ADCY9: variants seen among roughly 807,000 people sequenced by gnomAD.
ADCY9 encodes adenylate cyclase type 9.
A neutral mutation model predicts 101.5 loss-of-function variants in ADCY9; 50 were observed. The observed-to-expected ratio is 0.49, with a 90% CI of 0.39 to 0.62. ADCY9 has a LOEUF of 0.62. ADCY9 is among the 20% of genes least tolerant of loss of function. The probability of loss-of-function intolerance (pLI) is 0.00; values close to 1 mark genes in which losing one functional copy is unlikely to be tolerated. For missense variants in ADCY9, 1,662 were observed against 1,800.4 expected, an observed-to-expected ratio of 0.92 and a Z score of 1.39; for synonymous variants, 905 against 769.3, an observed-to-expected ratio of 1.18 and a Z score of -2.92.
chr16:4,058,831 A>G (rs143143977), intron 2 of ADCY9, among the ~76,000 whole-genome samples: 1 of 152,298 alleles, frequency 6.6e-6, no homozygotes, highest in Non-Finnish European at 1.5e-5. Context: ...ATTGCTAATT[A>G]ACTTTATCTC....
chr16:3,985,215 C>G (rs2056181448), intron 6 of ADCY9, among the ~76,000 whole-genome samples: 1 of 143,604 alleles, frequency 7.0e-6, no homozygotes, highest in Non-Finnish European at 1.5e-5. Flanking sequence ...TCTTGGCTCA[C>G]TGCAACCTCC....
In ADCY9 at chr16:3,966,875, G is replaced by T. The variant is rs779038291; in HGVS notation, c.2962C>A (p.Leu988Ile). ...IGQEVVLVFF[L>I]LLLLVWFLNR... is the part of the protein sequence containing the mutation. ...AGGAACCAGACCAACAAGAGCAGGA[G>T]AAAGAAGACGAGAACCACCTCCTGG... Residue 988 changes from leucine to isoleucine, a missense_variant, in exon 11 of 11, where the codon CTC becomes ATC. By Grantham distance (5) the Leu-to-Ile change is conservative (BLOSUM62 2). This residue lies in a region of ADCY9 where 624 missense variants were observed against 639.1 expected (regional missense o/e 0.98). Transcript: ENST00000294016. 1 of 1,614,208 alleles carries T rather than the reference G, an allele frequency of 6.2e-7. No homozygotes were observed. The highest frequency in any genetic ancestry group is 2.2e-5 in the East Asian group (1 of 44,896).
chr16:4,103,544 G>A (rs1433191407), intron 2 of ADCY9, among the ~76,000 whole-genome samples: 1 of 152,056 alleles, frequency 6.6e-6, no homozygotes, highest in Admixed American at 6.5e-5. Flanking sequence ...GAATGTCCCT[G>A]ATGGGCCGGG....
At chr16:4,101,381 A>G (rs1273320085) in intron 2 of ADCY9, among the ~76,000 whole-genome samples, 1 of 151,614 alleles carries the variant, frequency 6.6e-6, no homozygotes, top group Admixed American at 6.6e-5. Context: ...CTGGGCTCAA[A>G]CGATCCTCCC....
At chr16:3,999,291 G>C (rs2056313787) in intron 3 of ADCY9, among the ~76,000 whole-genome samples, 1 of 152,160 alleles carries the variant, frequency 6.6e-6, no homozygotes. Flanking sequence ...GAATGTCTAT[G>C]GGCCAAGATC....
rs368881820 is a variant in ADCY9, at chr16:3,963,910, T to A, written c.*1865A>T. 1 of 152,664 alleles carries A rather than the reference T, an allele frequency of 6.6e-6. No individual in the cohort carries two copies. The highest frequency in any genetic ancestry group is 2.1e-4 in the South Asian group (1 of 4,838). The allele number at this position is 152,664 out of a possible 1,614,324, so 9.5% of individuals were successfully genotyped here. A position where few individuals can be genotyped will look rare whatever the true frequency, so the allele number is the denominator to read the frequency against. On this transcript the variant is annotated 3_prime_UTR_variant, in exon 11 of 11. Coordinates refer to ENST00000294016, the MANE Select transcript of ADCY9 (RefSeq NM_001116.4). ...GCAAGAGGTATTGTCACAACCACCC[T>A]TTCTTCGGTATTGGAAGACCAGCAA...
chr16:4,026,557 A>C (rs141258717), intron 2 of ADCY9, among the ~76,000 whole-genome samples: 1 of 152,304 alleles, frequency 6.6e-6, no homozygotes, highest in East Asian at 1.9e-4. Flanking sequence ...TTGTAGCGGC[A>C]CTATTCATAA....
Position 3,966,395 on chromosome 16 carries a change from C to A in ADCY9, c.3442G>T (p.Val1148Leu). Residue 1148 changes from valine (V) to leucine (L), a missense_variant, in exon 11 of 11, where the codon GTG becomes TTG. Coordinates refer to ENST00000294016, the MANE Select transcript of ADCY9 (RefSeq NM_001116.4). The part of the protein sequence containing the change: ...LFEFAKEMMR[V>L]VDDFNNNMLW... ...ATGTTGTTGTTGAAGTCGTCCACCACGCGCATCATCTCCTTGGCGAACTCG... is the reference window on the plus strand; with the variant it reads ...ATGTTGTTGTTGAAGTCGTCCACCAAGCGCATCATCTCCTTGGCGAACTCG... 6.2e-7 allele frequency: 1 copy of A among 1,614,144 alleles called. No individual in the cohort carries two copies. The highest frequency in any genetic ancestry group is 8.5e-7 in the Non-Finnish European group (1 of 1,180,044).
At chr16:4,039,137 ACAGAG>A (rs556011050) in intron 2 of ADCY9, among the ~76,000 whole-genome samples, 72 of 152,280 alleles carry the variant, frequency 4.7e-4, no homozygotes, top group African/African-American at 1.7e-3. Context: ...TGCTAACAGA[ACAGAG>A]CAGAGACTCT....
intron 2 of ADCY9, among the ~76,000 whole-genome samples, chr16:4,054,873 G>T (rs1019678276): frequency 6.6e-6 from 1 of 152,034 alleles, no homozygotes; most frequent in Non-Finnish European, 1.5e-5. Context: ...AGCCGAAATG[G>T]ATATTTTGAA....
chr16:4,037,184 G>A (rs958665828), intron 2 of ADCY9, among the ~76,000 whole-genome samples: 1 of 152,074 alleles, frequency 6.6e-6, no homozygotes, highest in Non-Finnish European at 1.5e-5. Flanking sequence ...CAGGCATGGT[G>A]GTACATGCCT....
intron 2 of ADCY9, among the ~76,000 whole-genome samples, chr16:4,039,979 C>T (rs2056615775): frequency 1.3e-5 from 2 of 152,200 alleles, no homozygotes; most frequent in Admixed American, 6.5e-5. Flanking sequence ...GTAGGGGCTG[C>T]GGTGACCCAT....
chr16:4,108,373 T>TC (rs1475921398), intron 2 of ADCY9, among the ~76,000 whole-genome samples: 6 of 138,324 alleles, frequency 4.3e-5, no homozygotes, highest in African/African-American at 1.4e-4. Context: ...TTTTTTTTTT[T>TC]TTTTTTTTTT....
chr16:3,964,268 C>G lies in ADCY9; in HGVS notation c.*1507G>C, dbSNP rs2238434. On this transcript the variant is annotated 3_prime_UTR_variant, in exon 11 of 11. Coordinates refer to ENST00000294016, the MANE Select transcript of ADCY9 (RefSeq NM_001116.4). ...CAGCGTCCCGGGGTCCCCTGAAAGA[C>G]TGGCTACAACTCCGACCGGACAACT... 0.1 allele frequency: 15,954 copies of G among 152,334 alleles called. 1,641 individuals are homozygous for G. The highest frequency in any genetic ancestry group is 0.26 in the African/African-American group (10,737 of 41,500). The allele number at this position is 152,334 out of a possible 1,614,324, so 9.4% of individuals were successfully genotyped here. A position where few individuals can be genotyped will look rare whatever the true frequency, so the allele number is the denominator to read the frequency against.
At chr16:3,958,673 CTTTTT>C (rs1207846349), downstream of ADCY9, among the ~76,000 whole-genome samples, 12 of 103,022 alleles carry the variant, frequency 1.2e-4, no homozygotes, top group South Asian at 1.4e-3. Context: ...TCGTCGGTTA[CTTTTT>C]TTTTTTTTTT....
chr16:3,966,312 C>T lies in ADCY9; in HGVS notation c.3525G>A (p.Gly1175=), dbSNP rs778993166. ...ACAGCAGCTTGGTGGTGCCGATGAC[C>T]CCGGCCGTGAGGGGCCCATGGTTGA... ...VGFNHGPLTA[G]VIGTTKLLYD... Residue 1175 remains glycine (G), a synonymous_variant, in exon 11 of 11, where the codon GGG becomes GGA. Coordinates refer to ENST00000294016, the MANE Select transcript of ADCY9 (RefSeq NM_001116.4). The T allele has an allele frequency of 3.2e-5, 52 of 1,613,970 alleles. No individual in the cohort carries two copies. Among genetic ancestry groups the T allele is most frequent in the Non-Finnish European group, 3.9e-5 (46 of 1,180,046 alleles).
chr16:4,086,749 T>G (rs1193963280), intron 2 of ADCY9, among the ~76,000 whole-genome samples: 1 of 152,116 alleles, frequency 6.6e-6, no homozygotes, highest in African/African-American at 2.4e-5. Flanking sequence ...AACCTCTGCC[T>G]CCTGGGTTCA....
chr16:4,103,405 G>C (rs2057056380), intron 2 of ADCY9, among the ~76,000 whole-genome samples: 1 of 152,254 alleles, frequency 6.6e-6, no homozygotes, highest in Non-Finnish European at 1.5e-5. Flanking sequence ...TGACAGTGCA[G>C]AAGAAGCCAT....
At chr16:4,090,664 G>A (rs902696329) in intron 2 of ADCY9, among the ~76,000 whole-genome samples, 8 of 151,850 alleles carry the variant, frequency 5.3e-5, no homozygotes, top group Non-Finnish European at 7.4e-5. Context: ...GTATTTAGAC[G>A]GTGTGGATTC....
Sources: gnomAD v4.1 joint callset for allele counts (sites outside exome capture counted in the v4.1 genomes callset) on GRCh38, gnomAD v4.1.1 for gene constraint, gnomAD v4.1.1 regional missense constraint, MANE v1.5 for transcripts, NCBI Gene and HGNC (gene_info 2026-07-23, HGNC 2026-07-21) for gene names.